The following EXOC6B variants were observed in gnomAD, a reference collection of about 807,000 sequenced individuals.
The protein encoded by EXOC6B is SEC15 homolog B.
EXOC6B carries 54 observed loss-of-function variants against 113.5 expected under a neutral mutation model. That is an observed-to-expected ratio of 0.48 (90% CI 0.38 to 0.60). EXOC6B has a LOEUF of 0.60. Among genes scored for constraint, EXOC6B ranks in the 20% least tolerant of loss-of-function variants. The pLI is 0.00. For synonymous variants in EXOC6B, 357 were observed against 339.0 expected, an observed-to-expected ratio of 1.05 and a Z score of -0.58; for missense variants, 797 against 977.5, an observed-to-expected ratio of 0.82 and a Z score of 2.46.
At chr2:72,769,641 G>A (rs997834842) in intron 1 of EXOC6B, among the ~76,000 whole-genome samples, 1 of 152,026 alleles carries the variant, frequency 6.6e-6, no homozygotes, top group Non-Finnish European at 1.5e-5. Flanking sequence ...GCAAAACTCT[G>A]TCTCTACTAA....
Position 72,457,776 on chromosome 2 carries a change from G to C in EXOC6B, c.1980+7384C>G, listed in dbSNP as rs531781604. On this transcript the variant is annotated intron_variant, in intron 18 of 21. Transcript: ENST00000272427. ...AGTAAGATTTAAAAACCCTAAATGT[G>C]GAAAATATTATTATAATCATTTCTG... 1.3e-3 allele frequency among the ~76,000 whole-genome samples: 204 copies of C among 152,146 alleles called. 1 individual carries two copies. The highest frequency in any genetic ancestry group is 2.4e-3 in the Non-Finnish European group (166 of 67,966).
chr2:72,284,287 G>C (rs1333854395), intron 20 of EXOC6B, among the ~76,000 whole-genome samples: 1 of 151,908 alleles, frequency 6.6e-6, no homozygotes. Flanking sequence ...TAACTAAGTG[G>C]GATTTATCCC....
intron 11 of EXOC6B, among the ~76,000 whole-genome samples, chr2:72,506,518 T>C (rs1700605493): frequency 6.6e-6 from 1 of 152,170 alleles, no homozygotes; most frequent in African/African-American, 2.4e-5. Flanking sequence ...CCTATCTATC[T>C]ACTTATTTCC....
intron 20 of EXOC6B, among the ~76,000 whole-genome samples, chr2:72,292,820 C>A (rs1012892644): frequency 6.6e-6 from 1 of 152,098 alleles, no homozygotes; most frequent in East Asian, 1.9e-4. Context: ...TTGTTTCCCA[C>A]TCAGCACAAT....
chr2:72,751,337 A>T (rs1022808568), intron 1 of EXOC6B, among the ~76,000 whole-genome samples: 6 of 152,150 alleles, frequency 3.9e-5, no homozygotes, highest in Admixed American at 2.0e-4. Context: ...ACGTAGATTT[A>T]AAATTTTTCT....
At chr2:72,753,401 A>G (rs1011085896) in intron 1 of EXOC6B, among the ~76,000 whole-genome samples, 1 of 152,006 alleles carries the variant, frequency 6.6e-6, no homozygotes, top group Non-Finnish European at 1.5e-5. Context: ...ACACCTCCTC[A>G]TAACTAGTCA....
At chr2:72,517,209 T>C (rs1016312341) in intron 8 of EXOC6B, among the ~76,000 whole-genome samples, 2 of 152,240 alleles carry the variant, frequency 1.3e-5, no homozygotes, top group African/African-American at 4.8e-5. Context: ...AGTATGGCTG[T>C]GTTCCAATAA....
Position 72,682,590 on chromosome 2 carries a change from G to C in EXOC6B, c.669+35513C>G, listed in dbSNP as rs373940002. Among the ~76,000 whole-genome samples, 22 of 152,192 alleles carry C rather than the reference G, an allele frequency of 1.4e-4. 2 individuals are homozygous for C. Among genetic ancestry groups the C allele is most frequent in the African/African-American group, 4.6e-4 (19 of 41,522 alleles). On this transcript the variant is annotated intron_variant, in intron 6 of 21. Transcript: ENST00000272427. ...CATAAACCATCAGAGTGACCATAAA[G>C]GGATAAGAAGAAAGTACAGAAGAAA...
chr2:72,206,577 A>G (rs1040080548), intron 20 of EXOC6B, among the ~76,000 whole-genome samples: 10 of 152,214 alleles, frequency 6.6e-5, no homozygotes, highest in Non-Finnish European at 1.5e-4. Flanking sequence ...AGTAAACCAG[A>G]TGTTGATATA....
intron 18 of EXOC6B, among the ~76,000 whole-genome samples, chr2:72,431,743 A>G (rs1167649071): frequency 6.6e-6 from 1 of 151,984 alleles, no homozygotes; most frequent in African/African-American, 2.4e-5. Flanking sequence ...GGTTTGCTGC[A>G]CCCATCAACA....
intron 13 of EXOC6B, among the ~76,000 whole-genome samples, chr2:72,497,746 T>C (rs1371942470): frequency 2.0e-5 from 3 of 152,092 alleles, no homozygotes; most frequent in Non-Finnish European, 4.4e-5. Context: ...GAGGACAAAC[T>C]GATCAGGGAA....
In EXOC6B at chr2:72,422,756, C is replaced by T. The variant is rs192833601; in HGVS notation, c.1980+42404G>A. 1.5e-3 allele frequency among the ~76,000 whole-genome samples: 224 copies of T among 152,320 alleles called. 2 individuals carry two copies. The highest frequency in any genetic ancestry group is 1.3e-3 in the Non-Finnish European group (87 of 68,026). ...AGGTTTGTGAGTGCACCAATCGACA[C>T]TCTGTATCTAGCTGCTATGGTGGGG... On this transcript the variant is annotated intron_variant, in intron 18 of 21. Transcript: ENST00000272427.
chr2:72,402,696 G>T (rs749120938), intron 18 of EXOC6B, among the ~76,000 whole-genome samples: 8 of 152,082 alleles, frequency 5.3e-5, no homozygotes, highest in Non-Finnish European at 8.8e-5. Flanking sequence ...CTGTTTTGTT[G>T]TATATTGTGT....
chr2:72,496,342 A>G, intron 14 of EXOC6B, 112 bp downstream of exon 14: 1 of 598,098 alleles, frequency 1.7e-6, no homozygotes, highest in South Asian at 2.3e-5. Flanking sequence ...AAATTGTTTT[A>G]GAGTTCTAAC....
chr2:72,413,759 C>T (rs1204655211), intron 18 of EXOC6B, among the ~76,000 whole-genome samples: 1 of 151,966 alleles, frequency 6.6e-6, no homozygotes, highest in African/African-American at 2.4e-5. Context: ...GAACTCCTGG[C>T]CTCAAGTGAT....
chr2:72,671,262 A>G (rs1270898505), intron 6 of EXOC6B, among the ~76,000 whole-genome samples: 1 of 152,250 alleles, frequency 6.6e-6, no homozygotes, highest in Non-Finnish European at 1.5e-5. Context: ...CAACCTATCT[A>G]TCTGACAAGG....
chr2:72,405,028 G>A (rs1693626809), intron 18 of EXOC6B, among the ~76,000 whole-genome samples: 1 of 152,180 alleles, frequency 6.6e-6, no homozygotes, highest in Non-Finnish European at 1.5e-5. Flanking sequence ...TGATGGAGCT[G>A]AAAACCATGG....
intron 6 of EXOC6B, among the ~76,000 whole-genome samples, chr2:72,581,415 A>C (rs559569989): frequency 6.6e-6 from 1 of 152,346 alleles, no homozygotes; most frequent in South Asian, 2.1e-4. Flanking sequence ...GTCCGTAGGA[A>C]TGTGTTTATG....
At chr2:72,234,318 C>T (rs995832438) in intron 20 of EXOC6B, among the ~76,000 whole-genome samples, 8 of 151,940 alleles carry the variant, frequency 5.3e-5, no homozygotes, top group Non-Finnish European at 8.8e-5. Context: ...CTCCTGACCT[C>T]GTGATCCACC....
Sources: gnomAD v4.1 joint callset for allele counts (sites outside exome capture counted in the v4.1 genomes callset) on GRCh38, gnomAD v4.1.1 for gene constraint, MANE v1.5 for transcripts, NCBI Gene and HGNC (gene_info 2026-07-23, HGNC 2026-07-21) for gene names.